Variants in UBR2 observed in about 807,000 individuals in gnomAD.
The protein encoded by UBR2 is ubiquitin protein ligase E3 component n-recognin 2, also known as E3 ubiquitin-protein ligase UBR2.
UBR2 carries 92 observed loss-of-function variants against 247.9 expected under a neutral mutation model. That is an observed-to-expected ratio of 0.37 (90% CI 0.31 to 0.44). The LOEUF (loss-of-function observed/expected upper bound fraction) is 0.44, where lower values mean the gene tolerates loss of function less well. UBR2 is among the 20% of genes least tolerant of loss of function. The pLI, the probability that UBR2 is intolerant of heterozygous loss-of-function variation, is 1.00. For missense variants in UBR2, 1,613 were observed against 2,112.6 expected (o/e 0.76, Z 4.64); for synonymous variants, 672 against 693.5 (o/e 0.97, Z 0.49).
chr6:42,614,328 G>GTATATGTGTATGTA (rs10642982), intron 8 of UBR2, among the ~76,000 whole-genome samples: 73,114 of 136,186 alleles, frequency 0.54, 20,565 homozygotes, highest in East Asian at 0.75. Context: ...GTATATATGT[G>GTATATGTGTATGTA]TATATGTGTA....
chr6:42,635,622 A>C, intron 14 of UBR2, 76 bp downstream of exon 14: 35 of 1,515,842 alleles, frequency 2.3e-5, no homozygotes, highest in Non-Finnish European at 2.9e-5. Flanking sequence ...AGTAAATTTC[A>C]AGGAGATCTG....
rs1348646409 is a variant in UBR2, at chr6:42,658,102, TCCACA to T, written c.2952_2956del (p.His985ArgfsTer11). The T allele has an allele frequency of 6.2e-7, 1 of 1,614,088 alleles. No individual in the cohort carries two copies. Among genetic ancestry groups the T allele is most frequent in the Non-Finnish European group, 8.5e-7 (1 of 1,179,980 alleles). ...CTACAAAATGCTCCCTACCTAGAAG[TCCACA>T]AAGACATGATTCGGTGGATATTGAA... On this transcript the variant is annotated frameshift_variant, in exon 27 of 47. Coordinates refer to ENST00000372901, the MANE Select transcript of UBR2 (RefSeq NM_001363705.2). LOFTEE classifies it high-confidence loss of function.
intron 17 of UBR2, 69 bp from the exon 18 acceptor site, chr6:42,642,347 T>G: frequency 9.2e-7 from 1 of 1,086,550 alleles, no homozygotes; most frequent in Non-Finnish European, 1.4e-6. Context: ...CTTGTGCTTT[T>G]GGGGAAGGAT....
At chr6:42,601,754 A>G (rs983948495) in intron 4 of UBR2, among the ~76,000 whole-genome samples, 1 of 152,014 alleles carries the variant, frequency 6.6e-6, no homozygotes, top group Non-Finnish European at 1.5e-5. Context: ...TTATAGGTAA[A>G]AGGTGCTATA....
chr6:42,608,000 T>G (rs1034429958), intron 7 of UBR2, among the ~76,000 whole-genome samples: 6 of 152,288 alleles, frequency 3.9e-5, no homozygotes, highest in African/African-American at 1.4e-4. Flanking sequence ...AAACATTGTA[T>G]AGTATTTCAT....
intron 7 of UBR2, 93 bp from the exon 8 acceptor site, chr6:42,612,078 T>C (rs1268220081): frequency 6.7e-6 from 8 of 1,194,942 alleles, no homozygotes; most frequent in Admixed American, 2.5e-5. Context: ...ATGATGATGA[T>C]AGTGTGGTTA....
intron 14 of UBR2, among the ~76,000 whole-genome samples, chr6:42,635,778 T>C (rs1796052564): frequency 6.6e-6 from 1 of 152,250 alleles, no homozygotes; most frequent in Admixed American, 6.5e-5. Flanking sequence ...TTCCCTAATG[T>C]AACTATCTTT....
intron 42 of UBR2, 27 bp from the exon 43 acceptor site, chr6:42,683,028 G>GC (rs1554265024): frequency 8.5e-5 from 137 of 1,603,036 alleles, no homozygotes; most frequent in Non-Finnish European, 1.1e-4. Context: ...AGTGTTTTGT[G>GC]TTTTTCCCCC....
chr6:42,640,034 T>A (rs114019740), intron 15 of UBR2, among the ~76,000 whole-genome samples, 175 bp from the exon 16 acceptor site: 1,814 of 152,042 alleles, frequency 0.012, 38 homozygotes, highest in African/African-American at 0.04. Flanking sequence ...CTCAAAAAAT[T>A]AATAATAATA....
rs1304050977 is a variant in UBR2 at position 42,636,317 on chromosome 6, A to G, written c.1675-694A>G. 6.6e-5 allele frequency among the ~76,000 whole-genome samples: 10 copies of G among 151,936 alleles called. 1 individual carries two copies. The East Asian group carries it at 1.9e-3, about 29-fold the overall frequency. ...CCTCAGCCTCCCAAGTAGCTGGGACAACAGGCACACACCACCACACCTGGC... is the reference window on the plus strand; with the variant it reads ...CCTCAGCCTCCCAAGTAGCTGGGACGACAGGCACACACCACCACACCTGGC... On this transcript the variant is annotated intron_variant, in intron 14 of 46. Coordinates refer to ENST00000372901, the MANE Select transcript of UBR2 (RefSeq NM_001363705.2).
chr6:42,614,201 A>T (rs1279235812), intron 8 of UBR2, among the ~76,000 whole-genome samples: 24,534 of 59,618 alleles, frequency 0.41, 4,802 homozygotes, highest in Non-Finnish European at 0.44. Context: ...AAAAAAAAAA[A>T]AAAACTATAT....
intron 17 of UBR2, among the ~76,000 whole-genome samples, 154 bp from the exon 18 acceptor site, chr6:42,642,258 GTAAT>G (rs1025549134): frequency 2.0e-5 from 3 of 152,156 alleles, no homozygotes; most frequent in African/African-American, 4.8e-5. Flanking sequence ...GTGAAAATCT[GTAAT>G]TAATTAATCT....
intron 1 of UBR2, among the ~76,000 whole-genome samples, chr6:42,573,326 T>A (rs1222658708): frequency 6.6e-6 from 1 of 152,208 alleles, no homozygotes; most frequent in Non-Finnish European, 1.5e-5. Flanking sequence ...ATATTCACCG[T>A]ACACTCTTCC....
At chr6:42,574,580 T>C (rs2151903741) in intron 2 of UBR2, among the ~76,000 whole-genome samples, 1 of 152,286 alleles carries the variant, frequency 6.6e-6, no homozygotes, top group South Asian at 2.1e-4. Context: ...TTGGTGAAAA[T>C]TGAGTATACA....
At chr6:42,638,558 C>A (rs1350415236) in intron 15 of UBR2, among the ~76,000 whole-genome samples, 1 of 152,090 alleles carries the variant, frequency 6.6e-6, no homozygotes, top group Non-Finnish European at 1.5e-5. Flanking sequence ...AAGAAGAAAT[C>A]TCTCTTATTT....
At chr6:42,640,171 T>C in intron 15 of UBR2, 38 bp from the exon 16 acceptor site, 1 of 1,543,658 alleles carries the variant, frequency 6.5e-7, no homozygotes, top group Admixed American at 1.9e-5. Context: ...TGATTTTTAC[T>C]GATAGAAATA....
chr6:42,580,846 T>G (rs1791841148), intron 2 of UBR2, among the ~76,000 whole-genome samples: 2 of 152,006 alleles, frequency 1.3e-5, no homozygotes, highest in South Asian at 4.1e-4. Context: ...CGGCCTTAAT[T>G]GTACATTTTT....
At chr6:42,637,342 G>A (rs1056921665) in intron 15 of UBR2, 148 bp downstream of exon 15, 2 of 936,956 alleles carry the variant, frequency 2.1e-6, no homozygotes, top group Non-Finnish European at 1.5e-6. Context: ...GTCCTGTGAA[G>A]TAGGTATTAT....
intron 21 of UBR2, among the ~76,000 whole-genome samples, chr6:42,646,054 T>C (rs550218857): frequency 1.6e-4 from 24 of 152,206 alleles, no homozygotes; most frequent in Non-Finnish European, 3.1e-4. Context: ...CGAGCCCTTG[T>C]TTCATTTTAG....
Sources: allele counts gnomAD v4.1 joint callset (sites outside exome capture counted in the v4.1 genomes callset), GRCh38; gene constraint gnomAD v4.1.1; transcripts MANE v1.5; gene names NCBI Gene and HGNC (gene_info 2026-07-23, HGNC 2026-07-21).